PNPLA4: variants seen among roughly 807,000 people sequenced by gnomAD.
The protein encoded by PNPLA4 is patatin like domain 4, phospholipase and triacylglycerol lipase, also known as patatin-like phospholipase domain-containing protein 4.
A neutral mutation model predicts 18.3 loss-of-function variants in PNPLA4; 15 were observed. The ratio of observed to expected loss-of-function variants is 0.82; its 90% CI spans 0.55 to 1.26. PNPLA4 has a LOEUF of 1.26. PNPLA4 is among the 50% of genes most tolerant of loss of function. The pLI is 0.00. For missense variants in PNPLA4, 229 were observed against 196.8 expected (o/e 1.16, Z -0.98); for synonymous variants, 88 against 85.6 (o/e 1.03, Z -0.16).
intron 2 of PNPLA4, among the ~76,000 whole-genome samples, chrX:7,923,847 G>C (rs1924310870): frequency 9.0e-6 from 1 of 110,764 alleles, no homozygotes; most frequent in Admixed American, 9.6e-5. Flanking sequence ...CCCTGCCCCG[G>C]GGGTAATGAG....
In PNPLA4 at chrX:7,921,916, G is replaced by A. The variant is rs889787889; in HGVS notation, c.276-68C>T. On this transcript the variant is annotated intron_variant, in intron 3 of 6. Coordinates refer to ENST00000381042, the MANE Select transcript of PNPLA4 (RefSeq NM_004650.3). ...TGAACTCCCTGTAAATATTTTACAA[G>A]AGAGAATGCTGAGCTTGCCAAAGTT... The A allele has an allele frequency of 5.6e-5, 63 of 1,131,771 alleles. No individual in the cohort carries two copies. The African/African-American group carries it at 1.0e-3, about 19-fold the overall frequency. The allele number at this position is 1,131,771 out of a possible 1,213,427, so 93.3% of individuals were successfully genotyped here. A position where few individuals can be genotyped will look rare whatever the true frequency, so the allele number is the denominator to read the frequency against.
Position 7,898,827 on chromosome X carries a change from T to C in PNPLA4, c.*1859A>G, listed in dbSNP as rs146113498. The C allele has an allele frequency of 2.3e-4, 26 of 111,953 alleles. No homozygotes were observed. Among genetic ancestry groups the C allele is most frequent in the African/African-American group, 7.5e-4 (23 of 30,848 alleles). 9.2% of individuals were successfully genotyped at this position (111,953 alleles called of 1,213,427 possible). A position where few individuals can be genotyped will look rare whatever the true frequency, so the allele number is the denominator to read the frequency against. ...CAGGGTCAAATACATATGTAGTCGATACAAGATACTTCAAAAAAGTCTTAT... is the reference window on the plus strand; with the variant it reads ...CAGGGTCAAATACATATGTAGTCGACACAAGATACTTCAAAAAAGTCTTAT... On this transcript the variant is annotated 3_prime_UTR_variant, in exon 7 of 7. Coordinates refer to ENST00000381042, the MANE Select transcript of PNPLA4 (RefSeq NM_004650.3).
intron 4 of PNPLA4, among the ~76,000 whole-genome samples, chrX:7,918,879 T>C (rs1205101455): frequency 8.9e-6 from 1 of 112,197 alleles, no homozygotes; most frequent in Non-Finnish European, 1.9e-5. Flanking sequence ...CTTCCCGCAC[T>C]CTCACTCTTT....
Position 7,921,734 on chromosome X carries a change from G to C in PNPLA4, c.390C>G (p.Ser130=), listed in dbSNP as rs1924222999. ...TRENHLVSTF[S]SREDLIKVLL... Reference sequence around the variant, plus strand: ...TTACCTTAATGAGGTCCTCCCTGGAGGAAAAAGTGGAGACTAAGTGATTTT... The same window carrying C: ...TTACCTTAATGAGGTCCTCCCTGGACGAAAAAGTGGAGACTAAGTGATTTT... The change falls in exon 4 of 7, where the codon TCC becomes TCG. Residue 130 remains serine, a synonymous_variant. Transcript: ENST00000381042. The C allele has an allele frequency of 5.0e-6, 6 of 1,209,566 alleles. No individual in the cohort carries two copies. In the East Asian group the frequency reaches 1.8e-4, roughly 36 times the overall value.
intron 2 of PNPLA4, 104 bp downstream of exon 2, chrX:7,925,836 C>G: frequency 1.6e-6 from 1 of 637,573 alleles, no homozygotes; most frequent in Non-Finnish European, 2.4e-6. Flanking sequence ...TCCAAGCAAA[C>G]GATTATTTCT....
At chrX:7,927,115 C>G (rs1924446277) in intron 1 of PNPLA4, among the ~76,000 whole-genome samples, 171 bp downstream of exon 1, 1 of 113,209 alleles carries the variant, frequency 8.8e-6, no homozygotes, top group African/African-American at 3.2e-5. Flanking sequence ...AGTTTTGATT[C>G]CACTTCTGCA....
chrX:7,926,491 G>T (rs1924414125), intron 1 of PNPLA4, among the ~76,000 whole-genome samples: 1 of 111,869 alleles, frequency 8.9e-6, no homozygotes, highest in Admixed American at 9.5e-5. Flanking sequence ...TTTTGCGGGT[G>T]GGGGCGGCAC....
At chrX:7,906,507 C>A (rs1361952954) in intron 5 of PNPLA4, among the ~76,000 whole-genome samples, 2 of 111,694 alleles carry the variant, frequency 1.8e-5, no homozygotes, top group Non-Finnish European at 3.8e-5. Context: ...TCTATAAACA[C>A]CATACAGAAA....
intron 4 of PNPLA4, among the ~76,000 whole-genome samples, chrX:7,914,670 T>G (rs1384560753): frequency 8.9e-6 from 1 of 111,771 alleles, no homozygotes; most frequent in Non-Finnish European, 1.9e-5. Context: ...TACATAAATA[T>G]AATGATTTAT....
intron 2 of PNPLA4, among the ~76,000 whole-genome samples, chrX:7,924,723 G>C (rs907177368): frequency 1.8e-5 from 2 of 112,457 alleles, no homozygotes. Context: ...CAGAATTTTA[G>C]TTAAGTATAA....
chrX:7,908,678 T>C (rs1317555189), intron 5 of PNPLA4, among the ~76,000 whole-genome samples: 5 of 112,001 alleles, frequency 4.5e-5, no homozygotes, highest in African/African-American at 1.6e-4. Flanking sequence ...TGAGGCCCCC[T>C]TATTGTGGAC....
At chrX:7,904,199 AAAATT>A (rs1392767895) in intron 5 of PNPLA4, among the ~76,000 whole-genome samples, 1 of 112,512 alleles carries the variant, frequency 8.9e-6, no homozygotes, top group East Asian at 2.8e-4. Flanking sequence ...TTCATCAAGA[AAAATT>A]AAAGATATGC....
chrX:7,900,866 T>C (rs1923510435), intron 6 of PNPLA4, 49 bp from the exon 7 acceptor site: 2 of 982,706 alleles, frequency 2.0e-6, no homozygotes, highest in African/African-American at 3.9e-5. Flanking sequence ...GCAGTACAGG[T>C]AAATATACAC....
At chrX:7,922,960 G>A (rs780162484) in intron 2 of PNPLA4, among the ~76,000 whole-genome samples, 1 of 112,230 alleles carries the variant, frequency 8.9e-6, no homozygotes, top group Non-Finnish European at 1.9e-5. Context: ...ACAAGGGTGT[G>A]TTTGGCTCTC....
At chrX:7,925,619 C>T (rs775960353) in intron 2 of PNPLA4, among the ~76,000 whole-genome samples, 7 of 111,929 alleles carry the variant, frequency 6.3e-5, no homozygotes, top group Admixed American at 1.9e-4. Flanking sequence ...AAAACAGGCC[C>T]CATGCTCTTC....
chrX:7,913,850 A>G (rs1428955820), intron 4 of PNPLA4, among the ~76,000 whole-genome samples: 2 of 112,555 alleles, frequency 1.8e-5, no homozygotes, highest in Non-Finnish European at 3.8e-5. Flanking sequence ...TCAAAAAGAT[A>G]AAGTTGCTCA....
At chrX:7,915,642 G>A (rs1924024555) in intron 4 of PNPLA4, among the ~76,000 whole-genome samples, 1 of 111,864 alleles carries the variant, frequency 8.9e-6, no homozygotes, top group Non-Finnish European at 1.9e-5. Context: ...TTCCCGACAC[G>A]TTCTGATTGA....
At chrX:7,920,517 T>C (rs1374533493) in intron 4 of PNPLA4, among the ~76,000 whole-genome samples, 1 of 112,577 alleles carries the variant, frequency 8.9e-6, no homozygotes, top group Non-Finnish European at 1.9e-5. Context: ...TACTTGTCAA[T>C]TCAACATTTC....
At chrX:7,911,368 C>T (rs1021594975) in intron 5 of PNPLA4, among the ~76,000 whole-genome samples, 69 of 111,645 alleles carry the variant, frequency 6.2e-4, no homozygotes, top group East Asian at 5.6e-4. Flanking sequence ...GGAGGAGCTG[C>T]CTTGGGTCGA....
Sources: gnomAD v4.1 joint callset for allele counts (sites outside exome capture counted in the v4.1 genomes callset) on GRCh38, gnomAD v4.1.1 for gene constraint, MANE v1.5 for transcripts, NCBI Gene and HGNC (gene_info 2026-07-23, HGNC 2026-07-21) for gene names.